Variants in CATSPERT observed in about 807,000 individuals in gnomAD.
CATSPERT encodes the protein catsper channel auxiliary subunit tau.
At chr2:201,604,628 C>T in the CATSPERT span, 361 of 1,597,586 alleles carry the variant, frequency 2.3e-4, 2 homozygotes, top group Non-Finnish European at 2.8e-4. Context: ...CCAAATGGCA[C>T]CAAATTTGGC....
the CATSPERT span, among the ~76,000 whole-genome samples, chr2:201,516,122 T>A: frequency 6.6e-6 from 1 of 152,208 alleles, no homozygotes; most frequent in African/African-American, 2.4e-5. Context: ...AACCTGTACA[T>A]CATGTTACTG....
chr2:201,498,639 AC>A, the CATSPERT span, among the ~76,000 whole-genome samples: 1 of 152,102 alleles, frequency 6.6e-6, no homozygotes, highest in Admixed American at 6.5e-5. Context: ...AGTTAAGTTG[AC>A]ACCTAATATT....
chr2:201,497,937 T>G, the CATSPERT span, among the ~76,000 whole-genome samples: 1 of 152,216 alleles, frequency 6.6e-6, no homozygotes, highest in East Asian at 1.9e-4. Context: ...GATCTAGAAC[T>G]TTGAGAAAAT....
At chr2:201,578,738 A>G in the CATSPERT span, among the ~76,000 whole-genome samples, 1 of 152,206 alleles carries the variant, frequency 6.6e-6, no homozygotes, top group Non-Finnish European at 1.5e-5. Flanking sequence ...AAAAATAAAT[A>G]TTGAAAAGTT....
chr2:201,491,493 T>C, the CATSPERT span: 4 of 1,536,460 alleles, frequency 2.6e-6, no homozygotes, highest in African/African-American at 4.1e-5. Context: ...CTTTTTTGTA[T>C]TGTGCAAATG....
the CATSPERT span, chr2:201,557,423 T>C: frequency 6.6e-6 from 1 of 152,206 alleles, no homozygotes; most frequent in Non-Finnish European, 1.5e-5. Context: ...ATTTCTATTA[T>C]CAATAGCACA....
chr2:201,503,760 AT>A, the CATSPERT span, among the ~76,000 whole-genome samples: 6 of 151,402 alleles, frequency 4.0e-5, no homozygotes, highest in African/African-American at 1.2e-4. Flanking sequence ...TGATTGATAA[AT>A]TTTTTTTTCT....
chr2:201,587,110 A>G, the CATSPERT span, among the ~76,000 whole-genome samples: 1 of 152,266 alleles, frequency 6.6e-6, no homozygotes, highest in Non-Finnish European at 1.5e-5. Context: ...ACCATGTCCA[A>G]TAGCATAATT....
At chr2:201,601,991 A>G in the CATSPERT span, 1 of 779,698 alleles carries the variant, frequency 1.3e-6, no homozygotes, top group Non-Finnish European at 1.9e-6. Flanking sequence ...AGAATCAATC[A>G]TGTAGCATTA....
chr2:201,592,067 T>G, the CATSPERT span, among the ~76,000 whole-genome samples: 2 of 151,972 alleles, frequency 1.3e-5, no homozygotes, highest in Non-Finnish European at 2.9e-5. Flanking sequence ...TTGTGCCAGT[T>G]TTCAAAGGGA....
the CATSPERT span, among the ~76,000 whole-genome samples, chr2:201,614,554 A>G: frequency 2.0e-5 from 3 of 152,244 alleles, no homozygotes; most frequent in African/African-American, 7.2e-5. Flanking sequence ...GAGCTCCTGA[A>G]TGAAGCACTA....
At chr2:201,530,939 TG>T in the CATSPERT span, among the ~76,000 whole-genome samples, 1 of 149,174 alleles carries the variant, frequency 6.7e-6, no homozygotes, top group Admixed American at 6.9e-5. Flanking sequence ...GCAGTGTTTT[TG>T]TTTTGTTTTG....
At chr2:201,516,500 C>T in the CATSPERT span, among the ~76,000 whole-genome samples, 32 of 152,192 alleles carry the variant, frequency 2.1e-4, no homozygotes, top group African/African-American at 6.7e-4. Flanking sequence ...CGGGGGAAAT[C>T]GCTCCCATAA....
chr2:201,507,374 T>C, the CATSPERT span, among the ~76,000 whole-genome samples: 487 of 152,324 alleles, frequency 3.2e-3, 4 homozygotes, highest in Middle Eastern at 6.8e-3. Context: ...TGAATTTTCC[T>C]GGATGCAAAT....
At chr2:201,534,750 C>G in the CATSPERT span, 1 of 969,092 alleles carries the variant, frequency 1.0e-6, no homozygotes, top group Non-Finnish European at 1.2e-6. Context: ...GAGATAATCA[C>G]AGATCCACAG....
At chr2:201,617,359 G>A in the CATSPERT span, among the ~76,000 whole-genome samples, 1 of 152,098 alleles carries the variant, frequency 6.6e-6, no homozygotes, top group Non-Finnish European at 1.5e-5. Flanking sequence ...CCAAAACAGA[G>A]ATATAGACCA....
chr2:201,534,078 A>G, the CATSPERT span, among the ~76,000 whole-genome samples: 4 of 149,702 alleles, frequency 2.7e-5, no homozygotes, highest in East Asian at 3.9e-4. Context: ...CTATCTATCT[A>G]TCTATCTATC....
the CATSPERT span, among the ~76,000 whole-genome samples, chr2:201,615,345 T>C: frequency 6.6e-6 from 1 of 152,196 alleles, no homozygotes; most frequent in Non-Finnish European, 1.5e-5. Flanking sequence ...ACAGAAATTA[T>C]AACAGACTGT....
At chr2:201,599,432 CCT>C in the CATSPERT span, among the ~76,000 whole-genome samples, 2 of 152,030 alleles carry the variant, frequency 1.3e-5, no homozygotes, top group Admixed American at 6.6e-5. Flanking sequence ...TCAATTCTCC[CCT>C]GACAGTTTTC....
Sources: allele counts gnomAD v4.1 joint callset (sites outside exome capture counted in the v4.1 genomes callset), GRCh38; gene constraint gnomAD v4.1.1; transcripts MANE v1.5; gene names NCBI Gene and HGNC (gene_info 2026-07-23, HGNC 2026-07-21).